CCDC158: variants seen among roughly 807,000 people sequenced by gnomAD.
The protein encoded by CCDC158 is coiled-coil domain containing 158.
Under a neutral mutation model 138.6 loss-of-function variants are expected in CCDC158, and 116 were observed. The ratio of observed to expected loss-of-function variants is 0.84; its 90% CI spans 0.72 to 0.98. The LOEUF (loss-of-function observed/expected upper bound fraction) is 0.98, where lower values mean the gene tolerates loss of function less well. Ranked by LOEUF, CCDC158 falls within the 50% of genes least tolerant of loss-of-function variation. The pLI, the probability that CCDC158 is intolerant of heterozygous loss-of-function variation, is 0.00. For synonymous variants in CCDC158, 436 were observed against 442.4 expected, an observed-to-expected ratio of 0.99 and a Z score of 0.18; for missense variants, 1,265 against 1,306.1, an observed-to-expected ratio of 0.97 and a Z score of 0.48.
chr4:76,338,738 T>C (rs779441804), intron 18 of CCDC158, among the ~76,000 whole-genome samples: 8 of 152,188 alleles, frequency 5.3e-5, no homozygotes, highest in Non-Finnish European at 8.8e-5. Flanking sequence ...CTGATTTTTG[T>C]CCATGTGTGT....
At chr4:76,354,769 G>A (rs545254520) in intron 15 of CCDC158, among the ~76,000 whole-genome samples, 2 of 152,200 alleles carry the variant, frequency 1.3e-5, no homozygotes, top group East Asian at 3.9e-4. Context: ...GGTGTTACAG[G>A]AAACTCTCCT....
intron 1 of CCDC158, among the ~76,000 whole-genome samples, chr4:76,415,895 T>C (rs1263314692): frequency 6.6e-6 from 1 of 152,098 alleles, no homozygotes; most frequent in African/African-American, 2.4e-5. Context: ...GGAGTCTCAA[T>C]TTCCCCGGGG....
chr4:76,418,030 G>A (rs774710105), intron 1 of CCDC158, among the ~76,000 whole-genome samples: 1 of 152,188 alleles, frequency 6.6e-6, no homozygotes, highest in Non-Finnish European at 1.5e-5. Flanking sequence ...TGAGGTTGGC[G>A]GAGGTAAAGC....
At chr4:76,331,320 A>G in intron 21 of CCDC158, 24 bp downstream of exon 21, 1 of 1,604,242 alleles carries the variant, frequency 6.2e-7, no homozygotes, top group Non-Finnish European at 8.5e-7. Context: ...GGACATTTTG[A>G]AAATGGGGGC....
chr4:76,338,427 G>T (rs191513508), intron 18 of CCDC158, among the ~76,000 whole-genome samples: 20 of 152,252 alleles, frequency 1.3e-4, no homozygotes, highest in African/African-American at 4.8e-4. Context: ...CAGAAGAATC[G>T]CTTGAACCTG....
chr4:76,382,640 T>G lies in CCDC158; in HGVS notation c.884A>C (p.Asn295Thr), dbSNP rs768743924. 2 of 1,613,086 alleles carry G rather than the reference T, an allele frequency of 1.2e-6. No homozygotes were observed. Among genetic ancestry groups the G allele is most frequent in the South Asian group, 2.2e-5 (2 of 91,052 alleles). The stretch of plus-strand genomic sequence containing the variant: ...GATTTCCATTTGACTCTGGATACTA[T>G]TGGCTTGGCTTCGAGCACTGCTAGC... The part of the protein sequence containing the change: ...EKASSARSQA[N>T]SIQSQMEIIQ... The change falls in exon 8 of 25, where the codon AAT (asparagine) becomes ACT (threonine). Residue 295 changes from asparagine to threonine, a missense_variant. By Grantham distance (65) the Asn-to-Thr change is moderately conservative. Coordinates refer to ENST00000682701, the MANE Select transcript of CCDC158 (RefSeq NM_001394954.1).
In CCDC158 at chr4:76,384,331, T is replaced by C. The variant is rs753701863; in HGVS notation, c.483A>G (p.Lys161=). ...TGTTGCTGTCTTTCAGCATGTCCTC[T>C]TTAAGGCATTTGGCAGCTTCAAGTT... ...VHELEAAKCL[K]EDMLKDSNTQ... Residue 161 remains lysine, a synonymous_variant, in exon 6 of 25, where the codon AAA becomes AAG. Coordinates refer to ENST00000682701, the MANE Select transcript of CCDC158 (RefSeq NM_001394954.1). The C allele has an allele frequency of 6.2e-7, 1 of 1,614,174 alleles. No homozygotes were observed.
intron 7 of CCDC158, 75 bp from the exon 8 acceptor site, chr4:76,382,795 A>T (rs1429074785): frequency 2.1e-6 from 2 of 965,132 alleles, no homozygotes; most frequent in Non-Finnish European, 3.2e-6. Flanking sequence ...AAAATTAATG[A>T]TTTTCAATAC....
intron 24 of CCDC158, among the ~76,000 whole-genome samples, chr4:76,321,444 A>T (rs759633457): frequency 6.6e-6 from 1 of 151,932 alleles, no homozygotes; most frequent in African/African-American, 2.4e-5. Flanking sequence ...TGTAAAGGAC[A>T]CTTGCACACG....
Position 76,374,750 on chromosome 4 carries a change from T to C in CCDC158, c.1030-3214A>G, listed in dbSNP as rs529376501. 3.3e-5 allele frequency among the ~76,000 whole-genome samples: 5 copies of C among 152,276 alleles called. No individual in the cohort carries two copies. In the East Asian group the frequency reaches 9.6e-4, roughly 29 times the overall value. ...TCTATCCTTGAGCAAAGAAAATAAT[T>C]TGTATATATGCTTTAAAAGCTTAAA... is the stretch of plus-strand genomic sequence containing the variant. On this transcript the variant is annotated intron_variant, in intron 9 of 24. Coordinates refer to ENST00000682701, the MANE Select transcript of CCDC158 (RefSeq NM_001394954.1).
At chr4:76,386,755 G>A (rs1726830946) in intron 4 of CCDC158, among the ~76,000 whole-genome samples, 1 of 152,206 alleles carries the variant, frequency 6.6e-6, no homozygotes, top group Admixed American at 6.5e-5. Flanking sequence ...AGCAGTGGCT[G>A]TGCAGAGAAT....
At chr4:76,370,633 C>CGAGA (rs1348765461) in intron 10 of CCDC158, among the ~76,000 whole-genome samples, 4 of 152,038 alleles carry the variant, frequency 2.6e-5, no homozygotes, top group Non-Finnish European at 5.9e-5. Flanking sequence ...AGGGGTTGAA[C>CGAGA]GAGAGGTGGT....
intron 24 of CCDC158, 32 bp downstream of exon 24, chr4:76,323,270 G>C (rs367816199): frequency 4.9e-5 from 72 of 1,462,470 alleles, no homozygotes; most frequent in Non-Finnish European, 6.7e-6. Flanking sequence ...TCTCATGAGC[G>C]AGGAAGATCT....
At chr4:76,402,010 G>C (rs949952760) in intron 3 of CCDC158, 12 of 152,196 alleles carry the variant, frequency 7.9e-5, no homozygotes, top group Admixed American at 6.5e-4. Context: ...ACGTTTTTAA[G>C]CAGACCAGTA....
At chr4:76,383,886 T>C (rs1280384774) in intron 6 of CCDC158, 148 bp from the exon 7 acceptor site, 1 of 713,918 alleles carries the variant, frequency 1.4e-6, no homozygotes, top group African/African-American at 1.8e-5. Flanking sequence ...TATTAGATCT[T>C]TTACTTTGTC....
chr4:76,382,908 G>A (rs546426113), intron 7 of CCDC158, among the ~76,000 whole-genome samples, 188 bp from the exon 8 acceptor site: 101 of 152,260 alleles, frequency 6.6e-4, no homozygotes, highest in Middle Eastern at 6.8e-3. Context: ...TTGGGAGTCA[G>A]ATAGTTTTGG....
chr4:76,316,410 A>C (rs2110058522), intron 24 of CCDC158, among the ~76,000 whole-genome samples: 1 of 152,262 alleles, frequency 6.6e-6, no homozygotes, highest in African/African-American at 2.4e-5. Flanking sequence ...ACAAAGACAA[A>C]GAAAAAAGAA....
chr4:76,357,634 G>A (rs1014622085), intron 13 of CCDC158, 108 bp from the exon 14 acceptor site: 1 of 703,956 alleles, frequency 1.4e-6, no homozygotes, highest in Admixed American at 4.0e-5. Context: ...AACTGGAAGA[G>A]AAGTCATTTA....
At chr4:76,339,175 A>G (rs1721818593) in intron 18 of CCDC158, among the ~76,000 whole-genome samples, 2 of 152,206 alleles carry the variant, frequency 1.3e-5, no homozygotes, top group African/African-American at 2.4e-5. Context: ...AAAAAAAACC[A>G]TGAACATGAA....
Sources: allele counts gnomAD v4.1 joint callset (sites outside exome capture counted in the v4.1 genomes callset), GRCh38; gene constraint gnomAD v4.1.1; transcripts MANE v1.5; gene names NCBI Gene and HGNC (gene_info 2026-07-23, HGNC 2026-07-21).